Variants in FAM161A observed in about 807,000 individuals in gnomAD.
The protein encoded by FAM161A is protein FAM161A.
FAM161A carries 57 observed loss-of-function variants against 70.9 expected under a neutral mutation model. The ratio of observed to expected loss-of-function variants is 0.80; its 90% CI spans 0.65 to 1.00. FAM161A has a LOEUF of 1.00. FAM161A is among the 50% of genes least tolerant of loss of function. The pLI is 0.00. For missense variants in FAM161A, 880 were observed against 836.0 expected (o/e 1.05, Z -0.65); for synonymous variants, 299 against 295.7 (o/e 1.01, Z -0.12).
intron 1 of FAM161A, among the ~76,000 whole-genome samples, chr2:61,844,989 G>C (rs1387317436): frequency 2.0e-5 from 3 of 152,184 alleles, no homozygotes; most frequent in African/African-American, 7.2e-5. Flanking sequence ...ATAAATCCGA[G>C]GCATAGTGCT....
At chr2:61,850,494 A>C (rs541055194) in intron 1 of FAM161A, among the ~76,000 whole-genome samples, 9 of 152,250 alleles carry the variant, frequency 5.9e-5, no homozygotes, top group Non-Finnish European at 8.8e-5. Context: ...GCTCACGCCT[A>C]TAATCCCAGC....
At chr2:61,837,961 T>C (rs1053765329) in intron 4 of FAM161A, among the ~76,000 whole-genome samples, 1 of 152,224 alleles carries the variant, frequency 6.6e-6, no homozygotes, top group South Asian at 2.1e-4. Context: ...TTGAGGGAGA[T>C]AGTTTCCTAC....
the FAM161A span, among the ~76,000 whole-genome samples, chr2:61,815,043 G>A: frequency 6.6e-6 from 1 of 152,168 alleles, no homozygotes; most frequent in Non-Finnish European, 1.5e-5. Flanking sequence ...ATCTGTGGGT[G>A]TGCAGCTATT....
At chr2:61,814,680 ACT>A in the FAM161A span, among the ~76,000 whole-genome samples, 1 of 152,128 alleles carries the variant, frequency 6.6e-6, no homozygotes, top group Non-Finnish European at 1.5e-5. Context: ...GCACCACTGC[ACT>A]CCAGCCTGGG....
chr2:61,806,377 C>T, the FAM161A span, among the ~76,000 whole-genome samples: 1 of 152,282 alleles, frequency 6.6e-6, no homozygotes, highest in African/African-American at 2.4e-5. Context: ...CATTACTTTA[C>T]AATGAACCGC....
At chr2:61,833,176 G>C (rs1672645690) in intron 5 of FAM161A, among the ~76,000 whole-genome samples, 1 of 152,114 alleles carries the variant, frequency 6.6e-6, no homozygotes, top group South Asian at 2.1e-4. Context: ...TGTAATCCCA[G>C]CACTTTGGGA....
At chr2:61,838,260 T>C (rs532190970) in intron 4 of FAM161A, among the ~76,000 whole-genome samples, 3 of 152,350 alleles carry the variant, frequency 2.0e-5, no homozygotes, top group Admixed American at 6.5e-5. Context: ...AGATCAGATA[T>C]TGGTATAAGA....
chr2:61,816,702 C>G, the FAM161A span, among the ~76,000 whole-genome samples: 4 of 152,124 alleles, frequency 2.6e-5, no homozygotes, highest in Admixed American at 2.6e-4. Context: ...AACTCCTGGA[C>G]ATGATCTTCC....
downstream of FAM161A, chr2:61,820,477 G>C (rs963304693): frequency 1.3e-6 from 1 of 754,996 alleles, no homozygotes; most frequent in East Asian, 2.4e-5. Context: ...CTCAAGAGAA[G>C]GTTCTCAAAG....
chr2:61,807,764 C>G, the FAM161A span, among the ~76,000 whole-genome samples: 1 of 151,838 alleles, frequency 6.6e-6, no homozygotes, highest in African/African-American at 2.4e-5. Context: ...CCTCAGCCTC[C>G]TGAGTAGCTG....
At chr2:61,827,412 C>A (rs1302628163) in intron 5 of FAM161A, among the ~76,000 whole-genome samples, 154 bp from the exon 6 acceptor site, 1 of 151,988 alleles carries the variant, frequency 6.6e-6, no homozygotes, top group Non-Finnish European at 1.5e-5. Context: ...AGATCAAGAC[C>A]ATCCTGGCTA....
intron 1 of FAM161A, among the ~76,000 whole-genome samples, chr2:61,851,359 C>T (rs1021600301): frequency 1.1e-4 from 16 of 151,752 alleles, no homozygotes; most frequent in African/African-American, 3.9e-4. Context: ...TTTTTTGAGA[C>T]ATAGTCTCAC....
intron 5 of FAM161A, among the ~76,000 whole-genome samples, chr2:61,833,249 C>T (rs1219606208): frequency 6.6e-6 from 1 of 151,880 alleles, no homozygotes; most frequent in Non-Finnish European, 1.5e-5. Flanking sequence ...ATGGTGAAAC[C>T]TCGTCTCTAC....
chr2:61,802,714 T>C, the FAM161A span, among the ~76,000 whole-genome samples: 1 of 152,198 alleles, frequency 6.6e-6, no homozygotes, highest in African/African-American at 2.4e-5. Flanking sequence ...ATTAGTCACG[T>C]TGTGAATTTC....
In FAM161A at chr2:61,840,346, G is replaced by T; in HGVS notation, c.658C>A (p.His220Asn). 1 of 1,614,006 alleles carries T rather than the reference G, an allele frequency of 6.2e-7. No individual in the cohort carries two copies. The highest frequency in any genetic ancestry group is 1.1e-5 in the South Asian group (1 of 91,048). ...TTCTTCCTTCTTTTTTCAGCTGCAT[G>T]GAAGCCAGTATCTTTACAGCGAATA... ...DYIRCKDTGF[H>N]AAEKRRKKRK... is the part of the protein sequence containing the mutation. The change falls in exon 3 of 7, where the codon CAT becomes AAT. Residue 220 changes from histidine (H) to asparagine (N), a missense_variant. His to Asn is a moderately conservative substitution (Grantham distance 68). Transcript: ENST00000404929.
chr2:61,827,403 G>A (rs1307449508), intron 5 of FAM161A, 145 bp from the exon 6 acceptor site: 3 of 716,722 alleles, frequency 4.2e-6, no homozygotes, highest in South Asian at 2.9e-5. Context: ...GAGGTCAGGA[G>A]ATCAAGACCA....
chr2:61,841,610 G>A (rs1484569266), intron 2 of FAM161A, among the ~76,000 whole-genome samples: 2 of 152,084 alleles, frequency 1.3e-5, no homozygotes, highest in Non-Finnish European at 2.9e-5. Context: ...ACTCCTCAGC[G>A]CCCAGGCATA....
chr2:61,843,366 A>G (rs1673089263), intron 1 of FAM161A, among the ~76,000 whole-genome samples: 1 of 152,146 alleles, frequency 6.6e-6, no homozygotes, highest in African/African-American at 2.4e-5. Context: ...ACCTCAGGTG[A>G]TCTACTCGCC....
chr2:61,836,674 C>G (rs1008592375), intron 4 of FAM161A: 3 of 154,574 alleles, frequency 1.9e-5, no homozygotes, highest in African/African-American at 7.2e-5. Flanking sequence ...TGGGTTCATG[C>G]AATTCTCGTG....
Sources: allele counts gnomAD v4.1 joint callset (sites outside exome capture counted in the v4.1 genomes callset), GRCh38; gene constraint gnomAD v4.1.1; transcripts MANE v1.5; gene names NCBI Gene and HGNC (gene_info 2026-07-23, HGNC 2026-07-21).